LGSN: variants seen among roughly 807,000 people sequenced by gnomAD.
The protein encoded by LGSN is lengsin, lens protein with glutamine synthetase domain.
In LGSN, 21 loss-of-function variants were observed where a neutral mutation model predicts 19.5. The ratio of observed to expected loss-of-function variants is 1.07; its 90% CI spans 0.76 to 1.55. The LOEUF (loss-of-function observed/expected upper bound fraction) is 1.55. LGSN is among the 40% of genes most tolerant of loss of function. The pLI, the probability that LGSN is intolerant of heterozygous loss-of-function variation, is 0.00. For missense variants in LGSN, 673 were observed against 608.5 expected, an observed-to-expected ratio of 1.11 and a Z score of -1.12; for synonymous variants, 257 against 215.6, an observed-to-expected ratio of 1.19 and a Z score of -1.68.
upstream of LGSN, among the ~76,000 whole-genome samples, chr6:63,321,733 T>C (rs1204290321): frequency 6.6e-6 from 1 of 152,170 alleles, no homozygotes; most frequent in Non-Finnish European, 1.5e-5. Context: ...AAACCAAATG[T>C]CAGTAAAGGG....
the LGSN span, among the ~76,000 whole-genome samples, chr6:63,331,192 T>C: frequency 6.6e-6 from 1 of 152,122 alleles, no homozygotes; most frequent in Non-Finnish European, 1.5e-5. Context: ...AGGATATGGG[T>C]GTAAGCTGAG....
chr6:63,383,210 T>C, the LGSN span, among the ~76,000 whole-genome samples: 1 of 152,070 alleles, frequency 6.6e-6, no homozygotes, highest in Non-Finnish European at 1.5e-5. Flanking sequence ...CAATTCTCCT[T>C]CCTCAGCCTC....
the LGSN span, among the ~76,000 whole-genome samples, chr6:63,438,858 A>G: frequency 6.6e-6 from 1 of 152,142 alleles, no homozygotes; most frequent in South Asian, 2.1e-4. Flanking sequence ...TACTGGGTAT[A>G]TACCCAAAGG....
chr6:63,505,631 AAG>A, the LGSN span, among the ~76,000 whole-genome samples: 2 of 99,294 alleles, frequency 2.0e-5, no homozygotes, highest in Admixed American at 1.1e-4. Context: ...GAAAGAAAGA[AAG>A]AAATTCTGGC....
chr6:63,372,501 A>G, the LGSN span, among the ~76,000 whole-genome samples: 1 of 152,118 alleles, frequency 6.6e-6, no homozygotes. Context: ...AGAGGGGGGG[A>G]AATAATGATT....
chr6:63,337,912 G>C, the LGSN span, among the ~76,000 whole-genome samples: 1 of 152,010 alleles, frequency 6.6e-6, no homozygotes, highest in Non-Finnish European at 1.5e-5. Context: ...TTGAGATGGA[G>C]TCTTGCTCTG....
chr6:63,549,390 G>A, the LGSN span: 1 of 753,754 alleles, frequency 1.3e-6, no homozygotes, highest in South Asian at 1.4e-5. Context: ...CCTGTCCAAT[G>A]TCAAAATTCT....
chr6:63,342,683 T>C, the LGSN span, among the ~76,000 whole-genome samples: 1 of 152,242 alleles, frequency 6.6e-6, no homozygotes, highest in South Asian at 2.1e-4. Flanking sequence ...GTGTATTCTA[T>C]ATAGGAAGGT....
the LGSN span, among the ~76,000 whole-genome samples, chr6:63,432,585 G>A: frequency 5.9e-5 from 9 of 151,888 alleles, no homozygotes; most frequent in South Asian, 4.2e-4. Flanking sequence ...CCAGCTACTC[G>A]GGAGGCTGAG....
At chr6:63,525,444 T>A in the LGSN span, among the ~76,000 whole-genome samples, 1 of 152,238 alleles carries the variant, frequency 6.6e-6, no homozygotes. Flanking sequence ...ATCACCTAGC[T>A]GTGGTTCTTC....
the LGSN span, among the ~76,000 whole-genome samples, chr6:63,460,295 T>C: frequency 1.3e-5 from 2 of 151,808 alleles, no homozygotes; most frequent in African/African-American, 4.8e-5. Context: ...ACTTCTGACC[T>C]TCATTCACTT....
the LGSN span, among the ~76,000 whole-genome samples, chr6:63,431,576 C>A: frequency 6.6e-6 from 1 of 152,164 alleles, no homozygotes; most frequent in Non-Finnish European, 1.5e-5. Context: ...TACTTAATCC[C>A]CATGAGCTTT....
At chr6:63,401,508 C>T in the LGSN span, among the ~76,000 whole-genome samples, 1 of 151,908 alleles carries the variant, frequency 6.6e-6, no homozygotes, top group African/African-American at 2.4e-5. Context: ...GTCCATTAAT[C>T]AAACTAAGAG....
the LGSN span, among the ~76,000 whole-genome samples, chr6:63,432,088 G>GGAAGGAAAGAAAGAAA: frequency 8.9e-5 from 4 of 44,720 alleles, no homozygotes; most frequent in Admixed American, 3.8e-4. Flanking sequence ...AGAAAAAGAA[G>GGAAGGAAAGAAAGAAA]GAAAGAAAGA....
the LGSN span, among the ~76,000 whole-genome samples, chr6:63,527,561 C>T: frequency 2.0e-5 from 3 of 152,128 alleles, no homozygotes; most frequent in South Asian, 2.1e-4. Flanking sequence ...AATATTTTCA[C>T]TTTTCTAGAT....
chr6:63,554,614 A>G, the LGSN span, among the ~76,000 whole-genome samples: 2 of 152,154 alleles, frequency 1.3e-5, no homozygotes, highest in Non-Finnish European at 2.9e-5. Context: ...CCTGGCCAAC[A>G]TGGTGAAACC....
chr6:63,472,548 A>G, the LGSN span, among the ~76,000 whole-genome samples: 3 of 152,190 alleles, frequency 2.0e-5, no homozygotes, highest in African/African-American at 7.2e-5. Context: ...TTCTGATGCT[A>G]GTGCAATACT....
chr6:63,295,065 A>G lies in LGSN; in HGVS notation c.31-20T>C. ...TGAGTCCTGTTGATAATTAATAAAC[A>G]AAAAGCCAAATAACAGATTATTCAA... On this transcript the variant is annotated intron_variant, in intron 1 of 3. Coordinates refer to ENST00000370657, the MANE Select transcript of LGSN (RefSeq NM_016571.3). The G allele has an allele frequency of 6.2e-7, 1 of 1,607,244 alleles. No homozygotes were observed. The highest frequency in any genetic ancestry group is 8.5e-7 in the Non-Finnish European group (1 of 1,174,594).
intron 1 of LGSN, among the ~76,000 whole-genome samples, chr6:63,315,164 GTAAA>G (rs2127396892): frequency 6.6e-6 from 1 of 152,244 alleles, no homozygotes; most frequent in East Asian, 1.9e-4. Flanking sequence ...TAGTAATTGA[GTAAA>G]TAATTTCTAA....
Sources: gnomAD v4.1 joint callset for allele counts (sites outside exome capture counted in the v4.1 genomes callset) on GRCh38, gnomAD v4.1.1 for gene constraint, MANE v1.5 for transcripts, NCBI Gene and HGNC (gene_info 2026-07-23, HGNC 2026-07-21) for gene names.